The following LAMC3 variants were observed in gnomAD, a reference collection of about 807,000 sequenced individuals.
The protein encoded by LAMC3 is laminin subunit gamma 3, also known as laminin subunit gamma-3.
A neutral mutation model predicts 173.8 loss-of-function variants in LAMC3; 128 were observed. That is an observed-to-expected ratio of 0.74 (90% confidence interval 0.64 to 0.85). LAMC3 has a LOEUF of 0.85. LAMC3 is among the 40% of genes least tolerant of loss of function. The pLI is 0.00. For synonymous variants in LAMC3, 897 were observed against 909.1 expected (o/e 0.99, Z 0.24); for missense variants, 2,022 against 2,156.0 (o/e 0.94, Z 1.23).
chr9:131,060,802 G>T (rs969983792), intron 12 of LAMC3, among the ~76,000 whole-genome samples: 3 of 152,178 alleles, frequency 2.0e-5, no homozygotes, highest in Non-Finnish European at 4.4e-5. Context: ...GGAGACTGAG[G>T]TGTGGGGGCA....
At chr9:131,058,107 TTA>T (rs992160539) in intron 12 of LAMC3, among the ~76,000 whole-genome samples, 4 of 72,114 alleles carry the variant, frequency 5.5e-5, no homozygotes, top group Admixed American at 3.6e-4. Context: ...TTATTTTATT[TTA>T]TGTTTTATTT....
intron 12 of LAMC3, among the ~76,000 whole-genome samples, chr9:131,060,664 TAATAATAAC>T (rs1327907369): frequency 1.3e-5 from 2 of 151,088 alleles, no homozygotes; most frequent in Non-Finnish European, 1.5e-5. Flanking sequence ...ATAATAATAA[TAATAATAAC>T]AGCAGCGATG....
intron 15 of LAMC3, among the ~76,000 whole-genome samples, chr9:131,068,470 C>T (rs1024604781): frequency 2.6e-5 from 4 of 152,132 alleles, no homozygotes; most frequent in African/African-American, 7.2e-5. Context: ...GGCAGGTGGC[C>T]GGTTTGGTCT....
At chr9:131,085,860 G>A in intron 25 of LAMC3, 137 bp downstream of exon 25, 2 of 800,102 alleles carry the variant, frequency 2.5e-6, no homozygotes, top group Non-Finnish European at 2.2e-6. Context: ...TTAGCTCAGA[G>A]ACTTCACGGG....
At chr9:131,030,927 T>C (rs1036346962) in intron 2 of LAMC3, among the ~76,000 whole-genome samples, 1 of 152,234 alleles carries the variant, frequency 6.6e-6, no homozygotes, top group Non-Finnish European at 1.5e-5. Context: ...GATCCCTGAA[T>C]GCACGCTGAG....
Position 131,068,183 on chromosome 9 carries a change from G to T in LAMC3, c.2699G>T (p.Arg900Leu). 1 of 1,612,958 alleles carries T rather than the reference G, an allele frequency of 6.2e-7. No homozygotes were observed. Among genetic ancestry groups the T allele is most frequent in the Non-Finnish European group, 8.5e-7 (1 of 1,179,768 alleles). ...LPHVTARDCS[R>L]CYPGFFDLQP... ...CATGTGACTGCACGGGACTGCAGCC[G>T]CTGCTACCCTGGCTTCTTCGACCTC... Residue 900 changes from arginine (R) to leucine (L), a missense_variant, in exon 15 of 28, where the codon CGC becomes CTC. Arg to Leu is a moderately radical substitution (Grantham distance 102). Coordinates refer to ENST00000361069, the MANE Select transcript of LAMC3 (RefSeq NM_006059.4).
At chr9:131,059,215 G>T (rs148243688) in intron 12 of LAMC3, among the ~76,000 whole-genome samples, 2 of 138,514 alleles carry the variant, frequency 1.4e-5, no homozygotes, top group East Asian at 2.3e-4. Flanking sequence ...AAAAAAGGCC[G>T]GGCACGGTGG....
intron 1 of LAMC3, among the ~76,000 whole-genome samples, chr9:131,021,766 A>G (rs897776216): frequency 1.2e-4 from 18 of 152,228 alleles, no homozygotes; most frequent in African/African-American, 4.3e-4. Flanking sequence ...TCAAGTTCCC[A>G]TGACCCCTTC....
At chr9:131,077,879 G>A (rs1387455277) in intron 22 of LAMC3, among the ~76,000 whole-genome samples, 16 of 151,754 alleles carry the variant, frequency 1.1e-4, no homozygotes, top group Non-Finnish European at 2.4e-4. Flanking sequence ...GTTAAGGCTG[G>A]GGCCTCTTCC....
intron 2 of LAMC3, among the ~76,000 whole-genome samples, chr9:131,031,527 G>A (rs1378876619): frequency 6.6e-6 from 1 of 152,170 alleles, no homozygotes; most frequent in African/African-American, 2.4e-5. Flanking sequence ...GAAACCCGGG[G>A]CCAGCTGCAT....
intron 1 of LAMC3, among the ~76,000 whole-genome samples, chr9:131,018,702 T>C (rs552685428): frequency 1.3e-5 from 2 of 152,254 alleles, no homozygotes; most frequent in African/African-American, 4.8e-5. Flanking sequence ...CTAGCTCCCA[T>C]GCACCCCTGC....
chr9:131,088,840 G>C (rs1395164675), intron 27 of LAMC3, among the ~76,000 whole-genome samples: 3 of 151,948 alleles, frequency 2.0e-5, no homozygotes, highest in African/African-American at 7.3e-5. Flanking sequence ...CCAGCACTTT[G>C]AGAGGCTAAG....
chr9:131,069,151 C>T (rs1829995623), intron 16 of LAMC3, 101 bp downstream of exon 16: 5 of 1,370,546 alleles, frequency 3.6e-6, no homozygotes, highest in South Asian at 2.4e-5. Context: ...AGGAAAGGAT[C>T]GTCAGACATG....
At chr9:131,072,908 C>A in intron 19 of LAMC3, 73 bp downstream of exon 19, 1 of 1,418,738 alleles carries the variant, frequency 7.0e-7, no homozygotes, top group Non-Finnish European at 9.8e-7. Flanking sequence ...CTCCCATTGA[C>A]CTGGTGACCT....
intron 1 of LAMC3, among the ~76,000 whole-genome samples, chr9:131,023,260 G>A (rs890396372): frequency 6.6e-6 from 1 of 152,204 alleles, no homozygotes; most frequent in Non-Finnish European, 1.5e-5. Context: ...TTGCGTGGAT[G>A]TATATGTTTT....
intron 1 of LAMC3, among the ~76,000 whole-genome samples, chr9:131,024,513 G>A (rs1220466296): frequency 1.1e-4 from 17 of 152,100 alleles, no homozygotes; most frequent in Admixed American, 1.1e-3. Context: ...CGGCACCTAA[G>A]GAAGATGGTG....
intron 13 of LAMC3, among the ~76,000 whole-genome samples, chr9:131,062,395 T>C (rs748172666): frequency 3.6e-4 from 55 of 152,264 alleles, no homozygotes; most frequent in South Asian, 6.2e-4. Context: ...CAATGACTTT[T>C]GACATGTTAC....
chr9:131,066,965 C>A lies in LAMC3; in HGVS notation c.2353C>A (p.Arg785Ser), dbSNP rs144930767. 1.2e-6 allele frequency: 2 copies of A among 1,613,738 alleles called. No homozygotes were observed. Among genetic ancestry groups the A allele is most frequent in the African/African-American group, 2.7e-5 (2 of 75,050 alleles). The part of the protein sequence containing the change: ...THCPPGQRGR[R>S]CEVCDDGFFG... The stretch of plus-strand genomic sequence containing the variant: ...CGTGCTCCCTCTACACACAGGGCGG[C>A]GCTGTGAGGTCTGTGATGATGGCTT... Residue 785 changes from arginine to serine, a missense_variant, in exon 14 of 28, where the codon CGC (arginine) becomes AGC (serine). Physicochemically the swap from Arg to Ser is moderately radical, Grantham distance 110. Transcript: ENST00000361069.
intron 13 of LAMC3, among the ~76,000 whole-genome samples, chr9:131,064,222 C>T (rs1358621072): frequency 1.3e-5 from 2 of 152,164 alleles, no homozygotes; most frequent in East Asian, 3.8e-4. Context: ...CCATTAACTT[C>T]ATTTCAACAG....
Sources: allele counts gnomAD v4.1 joint callset (sites outside exome capture counted in the v4.1 genomes callset), GRCh38; gene constraint gnomAD v4.1.1; transcripts MANE v1.5; gene names NCBI Gene and HGNC (gene_info 2026-07-23, HGNC 2026-07-21).